FGGY: variants seen among roughly 807,000 people sequenced by gnomAD.
The protein encoded by FGGY is FGGY carbohydrate kinase domain-containing protein.
A neutral mutation model predicts 71.3 loss-of-function variants in FGGY; 72 were observed. The ratio of observed to expected loss-of-function variants is 1.01; its 90% CI spans 0.84 to 1.23. The LOEUF is 1.23. Among genes scored for constraint, FGGY ranks in the 50% most tolerant of loss-of-function variants. The pLI is 0.00. For synonymous variants in FGGY, 251 were observed against 250.3 expected (o/e 1.00, Z -0.02); for missense variants, 668 against 682.3 (o/e 0.98, Z 0.23).
chr1:59,479,046 T>C (rs933666597), intron 6 of FGGY, among the ~76,000 whole-genome samples: 1 of 152,234 alleles, frequency 6.6e-6, no homozygotes, highest in African/African-American at 2.4e-5. Flanking sequence ...GCACAGATGC[T>C]GTGCCAAGTG....
intron 10 of FGGY, among the ~76,000 whole-genome samples, 188 bp from the exon 11 acceptor site, chr1:59,638,040 A>G (rs1050171454): frequency 5.9e-5 from 9 of 152,074 alleles, no homozygotes; most frequent in Admixed American, 6.5e-5. Context: ...AAACCTTTCT[A>G]CTAGGATGTG....
At chr1:59,355,769 G>A (rs1373990352) in intron 4 of FGGY, among the ~76,000 whole-genome samples, 1 of 151,984 alleles carries the variant, frequency 6.6e-6, no homozygotes, top group African/African-American at 2.4e-5. Flanking sequence ...ACCTAGTCCA[G>A]TCTGCCTCCA....
At chr1:59,415,099 G>T (rs979942333) in intron 5 of FGGY, among the ~76,000 whole-genome samples, 7 of 152,298 alleles carry the variant, frequency 4.6e-5, no homozygotes, top group African/African-American at 1.7e-4. Flanking sequence ...CTCGCTAACG[G>T]AGTTACCCTC....
At chr1:59,729,218 G>T (rs144726757) in intron 14 of FGGY, among the ~76,000 whole-genome samples, 1 of 151,370 alleles carries the variant, frequency 6.6e-6, no homozygotes, top group Non-Finnish European at 1.5e-5. Flanking sequence ...ATTATTATTA[G>T]GATTTCTTTT....
At chr1:59,297,638 C>A (rs942543237) in intron 1 of FGGY, among the ~76,000 whole-genome samples, 7 of 151,764 alleles carry the variant, frequency 4.6e-5, no homozygotes, top group Non-Finnish European at 8.8e-5. Flanking sequence ...CAGGCTAACA[C>A]GGTGAAACCC....
rs574973805 is a variant in FGGY, at chr1:59,456,827, G to T, written c.555-134G>T. ...CATGGAGACTTTTTACCTAAGCAGG[G>T]ATGTGTCATTATCTACACTGGCTTA... On this transcript the variant is annotated intron_variant, in intron 5 of 15. Coordinates refer to ENST00000303721, the MANE Select transcript of FGGY (RefSeq NM_018291.5). The T allele has an allele frequency of 3.2e-5, 19 of 593,684 alleles. No individual in the cohort carries two copies. The South Asian group carries it at 3.7e-4, about 12-fold the overall frequency. 36.8% of individuals were successfully genotyped at this position (593,684 alleles called of 1,614,324 possible). A position where few individuals can be genotyped will look rare whatever the true frequency, so the allele number is the denominator to read the frequency against.
At position 59,375,238 on chromosome 1, in the gene FGGY, G is replaced by A. The variant is rs1347992406; in HGVS notation, c.466-3511G>A. On this transcript the variant is annotated intron_variant, in intron 4 of 15. Coordinates refer to ENST00000303721, the MANE Select transcript of FGGY (RefSeq NM_018291.5). ...TCGCACCACTACACTCCAGCCTGGC[G>A]ATAGAGTGAGACTCCATCTCAAAAA... is the stretch of plus-strand genomic sequence containing the variant. Among the ~76,000 whole-genome samples the A allele has an allele frequency of 7.8e-5, 10 of 128,514 alleles. No homozygotes were observed. In the East Asian group the frequency reaches 1.0e-3, roughly 13 times the overall value. 84.3% of individuals were successfully genotyped at this position (128,514 alleles called of 152,430 possible).
chr1:59,558,178 A>T (rs1004808756), intron 8 of FGGY, among the ~76,000 whole-genome samples: 3 of 152,190 alleles, frequency 2.0e-5, no homozygotes, highest in Non-Finnish European at 4.4e-5. Context: ...TTTGTAAATG[A>T]CTTGGCACTG....
chr1:59,399,018 C>T (rs1402822578), intron 5 of FGGY, among the ~76,000 whole-genome samples: 2 of 152,038 alleles, frequency 1.3e-5, no homozygotes, highest in African/African-American at 4.8e-5. Context: ...TTGGAAGTAC[C>T]TAACATTGGG....
intron 1 of FGGY, among the ~76,000 whole-genome samples, chr1:59,300,780 A>G (rs1472524692): frequency 6.6e-6 from 1 of 152,166 alleles, no homozygotes; most frequent in African/African-American, 2.4e-5. Flanking sequence ...TCAAAAATCA[A>G]TTTACCATGT....
chr1:59,409,728 C>T (rs72913726), intron 5 of FGGY, among the ~76,000 whole-genome samples: 2,719 of 151,996 alleles, frequency 0.018, 87 homozygotes, highest in African/African-American at 0.063. Context: ...CTTTCTATTT[C>T]ATCATGTGCT....
At chr1:59,387,373 G>A (rs530043237) in intron 5 of FGGY, among the ~76,000 whole-genome samples, 1 of 151,898 alleles carries the variant, frequency 6.6e-6, no homozygotes, top group East Asian at 1.9e-4. Context: ...TTTTGTCAAG[G>A]GTTTGGGCTT....
intron 11 of FGGY, among the ~76,000 whole-genome samples, chr1:59,645,882 C>T (rs1354936642): frequency 2.6e-5 from 4 of 152,222 alleles, no homozygotes; most frequent in Non-Finnish European, 5.9e-5. Context: ...TTTTCTGCTT[C>T]TTTGAAGAGC....
chr1:59,373,779 C>A lies in FGGY; in HGVS notation c.466-4970C>A, dbSNP rs923884861. On this transcript the variant is annotated intron_variant, in intron 4 of 15. Coordinates refer to ENST00000303721, the MANE Select transcript of FGGY (RefSeq NM_018291.5). ...ATATCTACAACTATCTGATCTTTGA[C>A]AAACCTGAGAAAAACAAGCAATGGG... Among the ~76,000 whole-genome samples, 68 of 152,206 alleles carry A rather than the reference C, an allele frequency of 4.5e-4. 1 individual carries two copies. Among genetic ancestry groups the A allele is most frequent in the Admixed American group, 4.0e-3 (61 of 15,290 alleles).
chr1:59,665,299 T>C (rs2097313391), intron 12 of FGGY, among the ~76,000 whole-genome samples: 1 of 152,210 alleles, frequency 6.6e-6, no homozygotes, highest in South Asian at 2.1e-4. Context: ...TCTGGCCTTA[T>C]ATGGCACAAC....
At chr1:59,739,329 T>C (rs2098129219) in intron 14 of FGGY, among the ~76,000 whole-genome samples, 1 of 152,238 alleles carries the variant, frequency 6.6e-6, no homozygotes, top group Non-Finnish European at 1.5e-5. Flanking sequence ...GTTTGGCTTC[T>C]GCAAATAAAC....
chr1:59,661,824 A>G (rs563911845), intron 12 of FGGY, among the ~76,000 whole-genome samples: 2 of 151,680 alleles, frequency 1.3e-5, no homozygotes, highest in East Asian at 4.0e-4. Flanking sequence ...GGTTCAAGCG[A>G]TTCTTCTGCC....
chr1:59,486,207 A>C (rs1475624113), intron 6 of FGGY, among the ~76,000 whole-genome samples: 3 of 152,162 alleles, frequency 2.0e-5, no homozygotes, highest in Non-Finnish European at 4.4e-5. Context: ...TTGGTCAAGG[A>C]GACAAGGCCT....
intron 14 of FGGY, among the ~76,000 whole-genome samples, chr1:59,712,402 G>A (rs1033454048): frequency 4.6e-5 from 7 of 152,182 alleles, no homozygotes; most frequent in Non-Finnish European, 8.8e-5. Flanking sequence ...GGAATCTGGA[G>A]GTCGGTGGCC....
Sources: allele counts gnomAD v4.1 joint callset (sites outside exome capture counted in the v4.1 genomes callset), GRCh38; gene constraint gnomAD v4.1.1; transcripts MANE v1.5; gene names NCBI Gene and HGNC (gene_info 2026-07-23, HGNC 2026-07-21).